Variants in ASIC2 observed in about 807,000 individuals in gnomAD.
ASIC2 encodes acid sensing ion channel subunit 2.
In ASIC2, 25 loss-of-function variants were observed where a neutral mutation model predicts 57.3. The ratio of observed to expected loss-of-function variants is 0.44; its 90% CI spans 0.32 to 0.61. The LOEUF (loss-of-function observed/expected upper bound fraction) is 0.61. Ranked by LOEUF, ASIC2 falls within the 20% of genes least tolerant of loss-of-function variation. ASIC2 has a pLI of 0.06. For synonymous variants in ASIC2, 319 were observed against 307.5 expected (o/e 1.04, Z -0.39); for missense variants, 641 against 738.1 (o/e 0.87, Z 1.52).
intron 1 of ASIC2, among the ~76,000 whole-genome samples, chr17:33,392,453 C>A (rs529997799): frequency 1.3e-5 from 2 of 151,900 alleles, no homozygotes; most frequent in African/African-American, 4.8e-5. Context: ...TTAGTAGAGA[C>A]GGGGTTTTCC....
chr17:33,282,866 C>T (rs1027859394), intron 1 of ASIC2, among the ~76,000 whole-genome samples: 2 of 152,226 alleles, frequency 1.3e-5, no homozygotes, highest in African/African-American at 4.8e-5. Flanking sequence ...CATGATTACA[C>T]TGGGCCCATC....
At position 33,013,548 on chromosome 17, in the gene ASIC2, G is replaced by T; in HGVS notation, c.*417C>A. The stretch of plus-strand genomic sequence containing the variant: ...TTGATTGTGCAGTTCTGATTCCAGG[G>T]TGGCCTCATGGTGACTTTGGACCTG... On this transcript the variant is annotated 3_prime_UTR_variant, in exon 10 of 10. Transcript: ENST00000225823. The T allele has an allele frequency of 5.0e-6, 1 of 198,078 alleles. No homozygotes were observed. Among genetic ancestry groups the T allele is most frequent in the Non-Finnish European group, 1.1e-5 (1 of 94,436 alleles). 12.3% of individuals were successfully genotyped at this position (198,078 alleles called of 1,614,324 possible).
At chr17:34,136,100 C>G (rs1157750937) in intron 1 of ASIC2, among the ~76,000 whole-genome samples, 1 of 152,180 alleles carries the variant, frequency 6.6e-6, no homozygotes, top group Non-Finnish European at 1.5e-5. Flanking sequence ...AGTCTAGGCA[C>G]AGCTGACCAG....
At chr17:34,038,058 C>T in intron 1 of ASIC2, 1 of 1,613,382 alleles carries the variant, frequency 6.2e-7, no homozygotes, top group Non-Finnish European at 8.5e-7. Flanking sequence ...ATGCCATCCA[C>T]TGAATTGTAG....
chr17:33,433,246 G>A (rs1311822972), intron 1 of ASIC2, among the ~76,000 whole-genome samples: 1 of 152,188 alleles, frequency 6.6e-6, no homozygotes, highest in East Asian at 1.9e-4. Context: ...CATGTCCTTT[G>A]CAGGAACATG....
intron 1 of ASIC2, among the ~76,000 whole-genome samples, chr17:33,342,206 G>A (rs1907748129): frequency 6.6e-6 from 1 of 152,138 alleles, no homozygotes; most frequent in African/African-American, 2.4e-5. Context: ...CCTCCCAGGA[G>A]GCTCCTCATA....
chr17:33,579,742 A>G lies in ASIC2; in HGVS notation c.556-467675T>C, dbSNP rs75415717. On this transcript the variant is annotated intron_variant, in intron 1 of 9. Coordinates refer to the ASIC2 transcript ENST00000359872. ...TGTTAAAAGTAGTGCGGACCCAAAC[A>G]CTAAACAGCAGCAAAACTCATTCAG... 1.9e-3 allele frequency among the ~76,000 whole-genome samples: 296 copies of G among 152,302 alleles called. 2 individuals carry two copies. Among genetic ancestry groups the G allele is most frequent in the African/African-American group, 6.4e-3 (267 of 41,560 alleles).
chr17:33,097,198 G>A (rs889032183), intron 2 of ASIC2, among the ~76,000 whole-genome samples: 1 of 152,174 alleles, frequency 6.6e-6, no homozygotes, highest in Non-Finnish European at 1.5e-5. Context: ...GGCTTTGCAG[G>A]CTGGGACCCT....
At chr17:33,209,285 A>C (rs936618840) in intron 1 of ASIC2, among the ~76,000 whole-genome samples, 1 of 152,198 alleles carries the variant, frequency 6.6e-6, no homozygotes, top group East Asian at 1.9e-4. Flanking sequence ...TTTATTTATA[A>C]GTTGTTCCAG....
intron 1 of ASIC2, among the ~76,000 whole-genome samples, chr17:33,606,094 C>T (rs566533399): frequency 2.0e-5 from 3 of 152,242 alleles, no homozygotes; most frequent in African/African-American, 4.8e-5. Context: ...GGCTGTCAGG[C>T]GCTGTTATTA....
chr17:33,107,935 T>C lies in ASIC2; in HGVS notation c.859+3982A>G, dbSNP rs569854358. Among the ~76,000 whole-genome samples the C allele has an allele frequency of 2.4e-4, 36 of 152,332 alleles. 1 individual carries two copies. Among genetic ancestry groups the C allele is most frequent in the East Asian group, 1.9e-3 (10 of 5,170 alleles). On this transcript the variant is annotated intron_variant, in intron 2 of 9. Coordinates refer to ENST00000225823, the MANE Select transcript of ASIC2 (RefSeq NM_183377.2). ...ATGGGAGTTCCAGATGTTGAGGTGC[T>C]GCAGAGCTCTGTCTTAGGTGTGGGA...
intron 1 of ASIC2, among the ~76,000 whole-genome samples, chr17:34,146,381 G>A (rs1912417498): frequency 6.6e-6 from 1 of 152,162 alleles, no homozygotes; most frequent in African/African-American, 2.4e-5. Flanking sequence ...ACACAGGTTG[G>A]GTTCCCTATC....
intron 1 of ASIC2, among the ~76,000 whole-genome samples, chr17:33,910,791 A>T (rs887432581): frequency 6.6e-6 from 1 of 152,206 alleles, no homozygotes; most frequent in Non-Finnish European, 1.5e-5. Context: ...CTAAAATAAC[A>T]TGAAGGAAAC....
At chr17:33,672,732 A>T (rs1907677355) in intron 1 of ASIC2, among the ~76,000 whole-genome samples, 1 of 152,190 alleles carries the variant, frequency 6.6e-6, no homozygotes, top group Non-Finnish European at 1.5e-5. Flanking sequence ...CCTGTATTCA[A>T]GTTCTCCTTA....
intron 1 of ASIC2, among the ~76,000 whole-genome samples, chr17:33,282,109 G>A (rs930432342): frequency 6.6e-6 from 1 of 152,186 alleles, no homozygotes; most frequent in Admixed American, 6.5e-5. Flanking sequence ...TCACTAATGT[G>A]GATTCAGGTC....
intron 1 of ASIC2, among the ~76,000 whole-genome samples, chr17:34,087,709 TC>T (rs1910163771): frequency 6.6e-6 from 1 of 152,018 alleles, no homozygotes; most frequent in African/African-American, 2.4e-5. Context: ...TTTCACATAG[TC>T]CCATATTTCT....
chr17:33,573,160 A>G (rs1916505807), intron 1 of ASIC2, among the ~76,000 whole-genome samples: 1 of 152,230 alleles, frequency 6.6e-6, no homozygotes, highest in African/African-American at 2.4e-5. Context: ...AGCATGGTTC[A>G]TATAAGGAAT....
At chr17:33,449,726 G>A (rs892097002) in intron 1 of ASIC2, among the ~76,000 whole-genome samples, 4 of 151,764 alleles carry the variant, frequency 2.6e-5, no homozygotes, top group Non-Finnish European at 5.9e-5. Flanking sequence ...TTCACACCTG[G>A]GTTCCAAAGC....
intron 1 of ASIC2, among the ~76,000 whole-genome samples, chr17:33,192,742 C>G (rs1221506492): frequency 6.6e-6 from 1 of 152,156 alleles, no homozygotes; most frequent in Non-Finnish European, 1.5e-5. Context: ...AAAGCTGCCT[C>G]TCTGATGCAA....
Sources: allele counts gnomAD v4.1 joint callset (sites outside exome capture counted in the v4.1 genomes callset), GRCh38; gene constraint gnomAD v4.1.1; transcripts MANE v1.5; gene names NCBI Gene and HGNC (gene_info 2026-07-23, HGNC 2026-07-21).